Variants in CHRM2 observed in about 807,000 individuals in gnomAD.
CHRM2 encodes the protein muscarinic acetylcholine receptor M2.
A neutral mutation model predicts 25.0 loss-of-function variants in CHRM2; 8 were observed. The ratio of observed to expected loss-of-function variants is 0.32; its 90% CI spans 0.19 to 0.58. The LOEUF (loss-of-function observed/expected upper bound fraction) is 0.58, where lower values mean the gene tolerates loss of function less well. Among genes scored for constraint, CHRM2 ranks in the 20% least tolerant of loss-of-function variants. The pLI, the probability that CHRM2 is intolerant of heterozygous loss-of-function variation, is 0.88. For missense variants in CHRM2, 440 were observed against 567.1 expected (o/e 0.78, Z 2.28); for synonymous variants, 202 against 205.7 (o/e 0.98, Z 0.15).
chr7:136,901,659 T>C (rs2130622267), intron 2 of CHRM2, among the ~76,000 whole-genome samples: 1 of 152,134 alleles, frequency 6.6e-6, no homozygotes, highest in Middle Eastern at 3.4e-3. Context: ...ATACAGACGC[T>C]TTTTGATCCA....
rs1805182912 is a variant in CHRM2, at chr7:137,016,251, A to G, written c.1386A>G (p.Ile462Met). 1 of 1,612,744 alleles carries G rather than the reference A, an allele frequency of 6.2e-7. No homozygotes were observed. Among genetic ancestry groups the G allele is most frequent in the East Asian group, 2.2e-5 (1 of 44,774 alleles). ...KHLLMCHYKNIGATR is the reference protein window; with the variant it reads ...KHLLMCHYKNMGATR ...TTCTCATGTGTCATTATAAGAACAT[A>G]GGCGCTACAAGGTAAAATATCTTTG... Residue 462 changes from isoleucine (I) to methionine (M), a missense_variant, in exon 4 of 4, where the codon ATA becomes ATG. Physicochemically the swap from Ile to Met is conservative, Grantham distance 10. This residue lies in a region of CHRM2 where 65 missense variants were observed against 108.9 expected (regional missense o/e 0.60). Coordinates refer to ENST00000680005, the MANE Select transcript of CHRM2 (RefSeq NM_001006630.2).
At chr7:136,933,728 T>A (rs1799248545) in intron 2 of CHRM2, among the ~76,000 whole-genome samples, 1 of 152,176 alleles carries the variant, frequency 6.6e-6, no homozygotes, top group South Asian at 2.1e-4. Flanking sequence ...AATGGAATAT[T>A]ATTCACCAAT....
intron 2 of CHRM2, among the ~76,000 whole-genome samples, chr7:136,910,369 G>T (rs28522389): frequency 4.8e-4 from 73 of 151,872 alleles, no homozygotes; most frequent in Middle Eastern, 3.4e-3. Context: ...CAGGGAGTTT[G>T]AATTGAAGCC....
chr7:136,998,828 A>G (rs539988414), intron 3 of CHRM2, among the ~76,000 whole-genome samples: 5 of 152,248 alleles, frequency 3.3e-5, no homozygotes, highest in South Asian at 2.1e-4. Flanking sequence ...CATATTCTAA[A>G]TAAGAACCCC....
intron 2 of CHRM2, among the ~76,000 whole-genome samples, chr7:136,976,834 A>C (rs552284385): frequency 6.6e-6 from 1 of 152,302 alleles, no homozygotes; most frequent in East Asian, 1.9e-4. Flanking sequence ...TCCTTAGTCA[A>C]CTTGGTCCAT....
chr7:136,889,002 C>G (rs1194515750), intron 2 of CHRM2, among the ~76,000 whole-genome samples: 2 of 140,848 alleles, frequency 1.4e-5, no homozygotes, highest in East Asian at 4.2e-4. Context: ...GAGCCGAGAT[C>G]GCGCCACTGC....
intron 2 of CHRM2, among the ~76,000 whole-genome samples, chr7:136,880,474 T>G (rs1796222543): frequency 6.6e-6 from 1 of 152,004 alleles, no homozygotes; most frequent in Non-Finnish European, 1.5e-5. Context: ...TTAAAATTAT[T>G]ATTTCTCCCA....
At chr7:136,926,048 C>T (rs932991470) in intron 2 of CHRM2, among the ~76,000 whole-genome samples, 1 of 152,006 alleles carries the variant, frequency 6.6e-6, no homozygotes, top group African/African-American at 2.4e-5. Context: ...ACCAGCCTGG[C>T]CAACATGGTG....
chr7:136,918,164 G>A (rs1798226856), intron 2 of CHRM2, among the ~76,000 whole-genome samples: 1 of 152,050 alleles, frequency 6.6e-6, no homozygotes, highest in Non-Finnish European at 1.5e-5. Context: ...CTGAAACTCG[G>A]TGCTGTTCAC....
At position 136,974,042 on chromosome 7, in the gene CHRM2, G is replaced by C. The variant is rs191018469; in HGVS notation, c.-124-18145G>C. On this transcript the variant is annotated intron_variant, in intron 2 of 3. Transcript: ENST00000680005. ...ACTTACACTTTTTGCCTTGGCTGCG[G>C]TCTCATATTTTTTGTGTATTTCTTG... is the stretch of plus-strand genomic sequence containing the variant. Among the ~76,000 whole-genome samples the C allele has an allele frequency of 2.8e-4, 43 of 152,190 alleles. No homozygotes were observed. In the East Asian group the frequency reaches 7.9e-3, roughly 28 times the overall value.
intron 2 of CHRM2, chr7:136,902,161 T>G (rs893723497): frequency 6.6e-6 from 1 of 152,014 alleles, no homozygotes; most frequent in Non-Finnish European, 1.5e-5. Flanking sequence ...ACTACTAACA[T>G]TGATTCTGTG....
chr7:136,992,342 A>G (rs533366165), intron 3 of CHRM2, 78 bp downstream of exon 3: 16 of 152,314 alleles, frequency 1.1e-4, no homozygotes, highest in African/African-American at 3.8e-4. Flanking sequence ...AAGTCACAAT[A>G]ATCCTTTGGA....
rs1363327856 is a variant in CHRM2, at chr7:137,016,875, A to G, written c.*609A>G. 2 of 167,390 alleles carry G rather than the reference A, an allele frequency of 1.2e-5. No individual in the cohort carries two copies. The highest frequency in any genetic ancestry group is 2.9e-5 in the Non-Finnish European group (2 of 68,470). 10.4% of individuals were successfully genotyped at this position (167,390 alleles called of 1,614,324 possible). On this transcript the variant is annotated 3_prime_UTR_variant, in exon 4 of 4. Transcript: ENST00000680005. ...TTCCCACCATGAAGAGAAAGCAAACAAACAGAAACCCCAACTAGGTCACAC... is the reference window on the plus strand; with the variant it reads ...TTCCCACCATGAAGAGAAAGCAAACGAACAGAAACCCCAACTAGGTCACAC...
At chr7:137,000,706 T>TA in intron 3 of CHRM2, among the ~76,000 whole-genome samples, 1 of 151,776 alleles carries the variant, frequency 6.6e-6, no homozygotes, top group African/African-American at 2.4e-5. Flanking sequence ...CATCACATTA[T>TA]AAAATAGGGG....
intron 2 of CHRM2, among the ~76,000 whole-genome samples, chr7:136,953,271 T>C (rs1358460111): frequency 6.6e-6 from 1 of 152,124 alleles, no homozygotes; most frequent in African/African-American, 2.4e-5. Flanking sequence ...AGCATCTAAG[T>C]GCCCCACTAC....
At chr7:136,922,674 C>G (rs185146673) in intron 2 of CHRM2, among the ~76,000 whole-genome samples, 2 of 152,162 alleles carry the variant, frequency 1.3e-5, no homozygotes, top group Admixed American at 1.3e-4. Flanking sequence ...ATAATGGCAA[C>G]TTATCTTTTA....
intron 2 of CHRM2, among the ~76,000 whole-genome samples, chr7:136,926,623 A>C (rs1447317647): frequency 1.3e-5 from 2 of 152,222 alleles, no homozygotes; most frequent in Non-Finnish European, 2.9e-5. Flanking sequence ...TTTCTCATGA[A>C]AATGGTAGCA....
chr7:136,895,976 T>A (rs1228821202), intron 2 of CHRM2, among the ~76,000 whole-genome samples: 1 of 152,170 alleles, frequency 6.6e-6, no homozygotes, highest in Non-Finnish European at 1.5e-5. Context: ...AATATACTAT[T>A]TACGTTAAAT....
At chr7:137,001,971 AG>A (rs1360639309) in intron 3 of CHRM2, among the ~76,000 whole-genome samples, 11 of 152,160 alleles carry the variant, frequency 7.2e-5, no homozygotes, top group Admixed American at 7.2e-4. Context: ...CGCTGAACAT[AG>A]AATGGTTGAA....
Sources: allele counts gnomAD v4.1 joint callset (sites outside exome capture counted in the v4.1 genomes callset), GRCh38; gene constraint gnomAD v4.1.1; regional missense constraint gnomAD v4.1.1; transcripts MANE v1.5; gene names NCBI Gene and HGNC (gene_info 2026-07-23, HGNC 2026-07-21).